THSD7B: variants seen among roughly 807,000 people sequenced by gnomAD.
The protein encoded by THSD7B is thrombospondin type-1 domain-containing protein 7B.
THSD7B carries 138 observed loss-of-function variants against 213.6 expected under a neutral mutation model. The observed-to-expected ratio is 0.65, with a 90% CI of 0.56 to 0.74. The LOEUF is 0.74. Ranked by LOEUF, THSD7B falls within the 30% of genes least tolerant of loss-of-function variation. The pLI, the probability that THSD7B is intolerant of heterozygous loss-of-function variation, is 0.00. For missense variants in THSD7B, 1,931 were observed against 1,991.5 expected, an observed-to-expected ratio of 0.97 and a Z score of 0.58; for synonymous variants, 742 against 687.0, an observed-to-expected ratio of 1.08 and a Z score of -1.25.
At chr2:137,606,821 AAGAG>A (rs763520479) in intron 17 of THSD7B, among the ~76,000 whole-genome samples, 194 of 152,260 alleles carry the variant, frequency 1.3e-3, no homozygotes, top group African/African-American at 4.3e-3. Context: ...AAGGAAAGGA[AAGAG>A]AGAGAAAGTG....
intron 7 of THSD7B, among the ~76,000 whole-genome samples, chr2:137,202,200 C>A (rs572857146): frequency 6.6e-6 from 1 of 152,194 alleles, no homozygotes; most frequent in South Asian, 2.1e-4. Context: ...TCATTATTTT[C>A]TCTGGGTTTT....
intron 4 of THSD7B, among the ~76,000 whole-genome samples, chr2:137,102,756 G>A (rs575085362): frequency 1.3e-5 from 2 of 152,238 alleles, no homozygotes; most frequent in Admixed American, 1.3e-4. Context: ...AGTATCAATA[G>A]CTGAATCGAT....
At chr2:137,043,018 C>T (rs1212385885) in intron 2 of THSD7B, among the ~76,000 whole-genome samples, 2 of 152,134 alleles carry the variant, frequency 1.3e-5, no homozygotes, top group Non-Finnish European at 2.9e-5. Flanking sequence ...TTTCTCAGTG[C>T]ACTATTGAGC....
chr2:137,207,986 G>T (rs902549353), intron 7 of THSD7B, among the ~76,000 whole-genome samples: 3 of 151,988 alleles, frequency 2.0e-5, no homozygotes, highest in African/African-American at 7.2e-5. Context: ...GACCAAACAG[G>T]GTAGGGCTGC....
At position 136,976,873 on chromosome 2, in the gene THSD7B, G is replaced by A. The variant is rs182529480; in HGVS notation, c.140-79547G>A. ...CCTGACCTCGTGATCCACCCGCCTC[G>A]GCCTCCCAAAGTGCTGGGATTACAG... On this transcript the variant is annotated intron_variant, in intron 2 of 27. Coordinates refer to ENST00000409968, the MANE Select transcript of THSD7B (RefSeq NM_001316349.2). Among the ~76,000 whole-genome samples the A allele has an allele frequency of 8.6e-3, 1,307 of 151,986 alleles. 21 individuals carry two copies. The highest frequency in any genetic ancestry group is 0.03 in the African/African-American group (1,252 of 41,456).
chr2:137,668,299 G>A (rs1225200272), intron 27 of THSD7B, among the ~76,000 whole-genome samples: 1 of 152,014 alleles, frequency 6.6e-6, no homozygotes, highest in Non-Finnish European at 1.5e-5. Flanking sequence ...GATTATTTTA[G>A]TTCTTAAATT....
At chr2:137,206,988 G>T (rs2105029718) in intron 7 of THSD7B, among the ~76,000 whole-genome samples, 1 of 152,178 alleles carries the variant, frequency 6.6e-6, no homozygotes, top group African/African-American at 2.4e-5. Context: ...GGTGAGGCTT[G>T]TGGAAGGTTT....
chr2:137,450,204 A>G (rs1687619835), intron 14 of THSD7B, among the ~76,000 whole-genome samples: 1 of 152,188 alleles, frequency 6.6e-6, no homozygotes, highest in Non-Finnish European at 1.5e-5. Context: ...TTATCCAGAG[A>G]AAGACCGTTG....
intron 2 of THSD7B, among the ~76,000 whole-genome samples, chr2:136,969,459 A>T (rs1356908172): frequency 6.6e-6 from 1 of 152,198 alleles, no homozygotes; most frequent in Non-Finnish European, 1.5e-5. Flanking sequence ...TAATCTTAAT[A>T]ATGTTTGAAT....
chr2:137,555,399 C>G (rs1277213703), intron 15 of THSD7B, among the ~76,000 whole-genome samples: 1 of 152,230 alleles, frequency 6.6e-6, no homozygotes, highest in Admixed American at 6.5e-5. Context: ...ATTCGCTGTT[C>G]TGCAGCATCT....
At chr2:137,149,724 C>A (rs967155975) in intron 5 of THSD7B, among the ~76,000 whole-genome samples, 6 of 152,092 alleles carry the variant, frequency 3.9e-5, no homozygotes, top group African/African-American at 1.4e-4. Context: ...GCCTGTAGCC[C>A]CTTCATTTTG....
At chr2:137,283,396 C>T (rs1454037308) in intron 12 of THSD7B, among the ~76,000 whole-genome samples, 3 of 152,132 alleles carry the variant, frequency 2.0e-5, no homozygotes, top group Non-Finnish European at 2.9e-5. Flanking sequence ...TTATTTCCTT[C>T]TCCTGCCTGA....
chr2:137,584,797 C>CT (rs1304027955), intron 17 of THSD7B, among the ~76,000 whole-genome samples: 1 of 152,044 alleles, frequency 6.6e-6, no homozygotes, highest in Non-Finnish European at 1.5e-5. Context: ...CTAAAATTCT[C>CT]TTTTTTTGTT....
chr2:136,990,868 A>C (rs1382506644), intron 2 of THSD7B: 1 of 1,334,656 alleles, frequency 7.5e-7, no homozygotes. Context: ...CCCTTTAAGA[A>C]GTAAAATATT....
intron 12 of THSD7B, among the ~76,000 whole-genome samples, chr2:137,390,502 T>C (rs763692025): frequency 1.3e-5 from 2 of 152,204 alleles, no homozygotes; most frequent in African/African-American, 2.4e-5. Context: ...TTGACATCTT[T>C]TTCAATTTGG....
chr2:137,315,425 T>A (rs1370751417), intron 12 of THSD7B, among the ~76,000 whole-genome samples: 2 of 152,156 alleles, frequency 1.3e-5, no homozygotes, highest in African/African-American at 4.8e-5. Context: ...CCTAGTGAGA[T>A]GAACCCGATA....
intron 2 of THSD7B, among the ~76,000 whole-genome samples, chr2:136,882,789 A>G (rs1356253511): frequency 2.0e-5 from 3 of 152,172 alleles, no homozygotes; most frequent in African/African-American, 4.8e-5. Context: ...AGCTTTGCTC[A>G]TTAGTTGTGA....
intron 12 of THSD7B, among the ~76,000 whole-genome samples, chr2:137,332,667 TC>T (rs1353303298): frequency 1.3e-5 from 2 of 152,164 alleles, no homozygotes; most frequent in African/African-American, 4.8e-5. Flanking sequence ...AAATTGTAGT[TC>T]CCATAATCCC....
intron 7 of THSD7B, among the ~76,000 whole-genome samples, chr2:137,227,781 C>T (rs532812537): frequency 1.3e-5 from 2 of 152,158 alleles, no homozygotes; most frequent in Admixed American, 6.5e-5. Context: ...TGTTAATTGT[C>T]ATTTGTACAA....
Sources: gnomAD v4.1 joint callset for allele counts (sites outside exome capture counted in the v4.1 genomes callset) on GRCh38, gnomAD v4.1.1 for gene constraint, MANE v1.5 for transcripts, NCBI Gene and HGNC (gene_info 2026-07-23, HGNC 2026-07-21) for gene names.